DAB1: variants seen among roughly 807,000 people sequenced by gnomAD.
DAB1 encodes DAB adaptor protein 1.
DAB1 carries 15 observed loss-of-function variants against 64.6 expected under a neutral mutation model. The observed-to-expected ratio is 0.23, with a 90% CI of 0.16 to 0.36. The LOEUF is 0.36. Ranked by LOEUF, DAB1 falls within the 10% of genes least tolerant of loss-of-function variation. The probability of loss-of-function intolerance (pLI) is 1.00; values close to 1 mark genes in which losing one functional copy is unlikely to be tolerated. For synonymous variants in DAB1, 235 were observed against 251.9 expected, an observed-to-expected ratio of 0.93 and a Z score of 0.64; for missense variants, 596 against 706.7, an observed-to-expected ratio of 0.84 and a Z score of 1.78.
intron 1 of DAB1, among the ~76,000 whole-genome samples, chr1:57,374,177 G>GA (rs5774341): frequency 0.32 from 48,360 of 151,826 alleles, 8,027 homozygotes; most frequent in African/African-American, 0.38. Flanking sequence ...TTGCATAAAT[G>GA]AAAAAATTGA....
At position 57,418,476 on chromosome 1, in the gene DAB1, C is replaced by T. The variant is rs537297870; in HGVS notation, c.-137+5454G>A. On this transcript the variant is annotated intron_variant, in intron 1 of 14. Coordinates refer to ENST00000371236, the MANE Select transcript of DAB1 (RefSeq NM_001365792.1). ...GAAAATTGTAAATCAATATGAAGCTCGGAGCAGATGCATGGGGTTGGTAAT... is the reference window on the plus strand; with the variant it reads ...GAAAATTGTAAATCAATATGAAGCTTGGAGCAGATGCATGGGGTTGGTAAT... Among the ~76,000 whole-genome samples, 20 of 152,244 alleles carry T rather than the reference C, an allele frequency of 1.3e-4. No homozygotes were observed. In the South Asian group the frequency reaches 4.2e-3, roughly 32 times the overall value.
intron 7 of DAB1, among the ~76,000 whole-genome samples, chr1:57,433,594 G>A (rs1452016371): frequency 6.6e-6 from 1 of 151,994 alleles, no homozygotes; most frequent in African/African-American, 2.4e-5. Context: ...TGATTTAGAG[G>A]TATGCACAGG....
intron 1 of DAB1, among the ~76,000 whole-genome samples, chr1:57,872,705 G>A (rs553025331): frequency 6.6e-6 from 1 of 152,240 alleles, no homozygotes; most frequent in South Asian, 2.1e-4. Context: ...TATGGTCAGT[G>A]TTGTGGAGCC....
intron 1 of DAB1, among the ~76,000 whole-genome samples, chr1:57,343,713 C>T (rs982706514): frequency 3.9e-5 from 6 of 152,318 alleles, no homozygotes; most frequent in East Asian, 1.9e-4. Flanking sequence ...GTGGGGTCCG[C>T]GGAGCCCACG....
At chr1:57,314,589 G>T (rs1036545034) in intron 1 of DAB1, among the ~76,000 whole-genome samples, 1 of 152,132 alleles carries the variant, frequency 6.6e-6, no homozygotes, top group Non-Finnish European at 1.5e-5. Context: ...GTTTCCCACA[G>T]AACGCTCTAT....
chr1:57,567,533 G>A (rs963516125), intron 7 of DAB1, among the ~76,000 whole-genome samples: 11 of 152,274 alleles, frequency 7.2e-5, no homozygotes, highest in Admixed American at 2.0e-4. Flanking sequence ...AAACCCCATC[G>A]TCTCAGCCCC....
chr1:57,861,048 C>T (rs1376609201), intron 1 of DAB1: 1 of 152,146 alleles, frequency 6.6e-6, no homozygotes, highest in Non-Finnish European at 1.5e-5. Context: ...ATACTCGTTC[C>T]CACTGACTCA....
chr1:58,009,826 T>A (rs1274766399), intron 5 of DAB1, among the ~76,000 whole-genome samples: 1 of 152,208 alleles, frequency 6.6e-6, no homozygotes, highest in East Asian at 1.9e-4. Context: ...AATTAAACTA[T>A]CTTGCCTTAT....
intron 4 of DAB1, among the ~76,000 whole-genome samples, chr1:58,190,706 G>A (rs1163067356): frequency 1.3e-5 from 2 of 152,206 alleles, no homozygotes; most frequent in South Asian, 4.1e-4. Context: ...TTTACACTCC[G>A]TGTCATGTCT....
chr1:57,585,015 C>G (rs1645360309), intron 7 of DAB1, among the ~76,000 whole-genome samples: 1 of 152,084 alleles, frequency 6.6e-6, no homozygotes, highest in African/African-American at 2.4e-5. Flanking sequence ...ACTTGGGAGG[C>G]CAAGGTGGGC....
chr1:58,442,863 C>T (rs997977877), intron 3 of DAB1, among the ~76,000 whole-genome samples: 5 of 151,922 alleles, frequency 3.3e-5, no homozygotes, highest in Non-Finnish European at 7.4e-5. Context: ...CCAGCCTGGG[C>T]AAGAGAGTGA....
Position 58,480,917 on chromosome 1 carries a change from T to C in DAB1, n.257+25143A>G, listed in dbSNP as rs372259056. The stretch of plus-strand genomic sequence containing the variant: ...TTTTTTAAAAAGTAACATAAAATGA[T>C]AAGGACTGCAACATTCTTCATATAT... On this transcript the variant is annotated intron_variant and non_coding_transcript_variant, in intron 3 of 20. Coordinates refer to the DAB1 transcript ENST00000485760. The C allele has an allele frequency of 5.1e-6, 4 of 780,854 alleles. No homozygotes were observed. In the African/African-American group the frequency reaches 5.2e-5, roughly 10 times the overall value. The allele number at this position is 780,854 out of a possible 1,614,324, so 48.4% of individuals were successfully genotyped here. A position where few individuals can be genotyped will look rare whatever the true frequency, so the allele number is the denominator to read the frequency against.
chr1:57,821,232 G>T (rs1220580623), downstream of DAB1, among the ~76,000 whole-genome samples: 4 of 152,008 alleles, frequency 2.6e-5, no homozygotes. Context: ...TGAAGTTTCA[G>T]CACCTAATGA....
At chr1:57,642,975 CT>C (rs1558569226) in intron 7 of DAB1, among the ~76,000 whole-genome samples, 1 of 152,188 alleles carries the variant, frequency 6.6e-6, no homozygotes, top group African/African-American at 2.4e-5. Context: ...TTGTTTGATG[CT>C]TGTAAGATAG....
chr1:57,080,760 A>G (rs972421296), intron 4 of DAB1, among the ~76,000 whole-genome samples: 9 of 151,868 alleles, frequency 5.9e-5, no homozygotes, highest in African/African-American at 1.5e-4. Context: ...ACACACGCAC[A>G]CACACACACA....
chr1:58,134,622 A>T (rs1261960689), intron 5 of DAB1, among the ~76,000 whole-genome samples: 1 of 152,242 alleles, frequency 6.6e-6, no homozygotes, highest in Admixed American at 6.5e-5. Flanking sequence ...GTAAAGGAGA[A>T]GCAGGCACAT....
chr1:58,032,037 T>C (rs1176321239), intron 5 of DAB1, among the ~76,000 whole-genome samples: 1 of 146,772 alleles, frequency 6.8e-6, no homozygotes, highest in Non-Finnish European at 1.5e-5. Flanking sequence ...TGTGTGTGTG[T>C]GTTTAATCTG....
upstream of DAB1, among the ~76,000 whole-genome samples, chr1:57,428,946 T>C (rs1191997710): frequency 6.7e-6 from 1 of 149,852 alleles, no homozygotes; most frequent in Non-Finnish European, 1.5e-5. Context: ...AGGGTCTCAC[T>C]CTGTCACCCA....
chr1:57,134,309 G>T (rs1657887083), intron 4 of DAB1, among the ~76,000 whole-genome samples: 2 of 152,090 alleles, frequency 1.3e-5, no homozygotes, highest in Non-Finnish European at 2.9e-5. Flanking sequence ...TTAAGGCTGG[G>T]CGCGGTGGCT....
Sources: allele counts gnomAD v4.1 joint callset (sites outside exome capture counted in the v4.1 genomes callset), GRCh38; gene constraint gnomAD v4.1.1; transcripts MANE v1.5; gene names NCBI Gene and HGNC (gene_info 2026-07-23, HGNC 2026-07-21).